DTWD2: variants seen among roughly 807,000 people sequenced by gnomAD.
The protein encoded by DTWD2 is DTW motif tRNA-uridine aminocarboxypropyltransferase 2.
Under a neutral mutation model 31.8 loss-of-function variants are expected in DTWD2, and 39 were observed. The observed-to-expected ratio is 1.22, with a 90% CI of 0.95 to 1.60. The LOEUF (loss-of-function observed/expected upper bound fraction) is 1.60, where lower values mean the gene tolerates loss of function less well. Among genes scored for constraint, DTWD2 ranks in the 40% most tolerant of loss-of-function variants. DTWD2 has a pLI of 0.00. For synonymous variants in DTWD2, 180 were observed against 142.8 expected (o/e 1.26, Z -1.86); for missense variants, 515 against 381.5 (o/e 1.35, Z -2.92).
At chr5:118,897,191 T>A (rs7734815) in intron 4 of DTWD2, among the ~76,000 whole-genome samples, 38,742 of 152,034 alleles carry the variant, frequency 0.25, 8,838 homozygotes, top group African/African-American at 0.62. Flanking sequence ...AGGAGAAAAC[T>A]CACATGGGAC....
intron 2 of DTWD2, among the ~76,000 whole-genome samples, chr5:118,941,203 T>C (rs1383808039): frequency 6.6e-6 from 1 of 152,098 alleles, no homozygotes; most frequent in East Asian, 1.9e-4. Context: ...ATACTGTAAG[T>C]TCTAGGGTAC....
chr5:118,840,505 G>A lies in DTWD2; in HGVS notation c.*412C>T, dbSNP rs1340792867. 5 of 152,272 alleles carry A rather than the reference G, an allele frequency of 3.3e-5. No individual in the cohort carries two copies. Among genetic ancestry groups the A allele is most frequent in the Non-Finnish European group, 7.3e-5 (5 of 68,172 alleles). The allele number at this position is 152,272 out of a possible 1,614,324, so 9.4% of individuals were successfully genotyped here. ...TACTTATTTCAAACTGTAAAGTCAGGACTGCAAACTGATGTAGGAATCTTA... is the reference window on the plus strand; with the variant it reads ...TACTTATTTCAAACTGTAAAGTCAGAACTGCAAACTGATGTAGGAATCTTA... On this transcript the variant is annotated 3_prime_UTR_variant, in exon 6 of 6. Transcript: ENST00000510708.
intron 4 of DTWD2, among the ~76,000 whole-genome samples, chr5:118,882,885 T>G (rs926907018): frequency 3.3e-5 from 5 of 152,260 alleles, no homozygotes; most frequent in African/African-American, 9.6e-5. Flanking sequence ...CCCATTGTCT[T>G]GCCTACTAAC....
chr5:118,960,999 A>G (rs1373090534), intron 1 of DTWD2, among the ~76,000 whole-genome samples: 2 of 152,146 alleles, frequency 1.3e-5, no homozygotes, highest in African/African-American at 4.8e-5. Flanking sequence ...GGGTGACAAA[A>G]TAATATGTAC....
intron 4 of DTWD2, among the ~76,000 whole-genome samples, chr5:118,883,943 T>C (rs1432608426): frequency 6.6e-6 from 1 of 152,190 alleles, no homozygotes. Context: ...TATAGTTCTG[T>C]AAGTAATGAG....
chr5:118,874,196 C>T (rs1752570873), intron 4 of DTWD2, among the ~76,000 whole-genome samples: 2 of 152,086 alleles, frequency 1.3e-5, no homozygotes, highest in South Asian at 4.1e-4. Context: ...AAAAGAAAAC[C>T]CATCCAAGGG....
At chr5:118,968,644 C>A (rs1754909651) in intron 1 of DTWD2, among the ~76,000 whole-genome samples, 1 of 152,180 alleles carries the variant, frequency 6.6e-6, no homozygotes, top group Non-Finnish European at 1.5e-5. Flanking sequence ...CCCCCCTGAG[C>A]CCACACCACC....
intron 2 of DTWD2, among the ~76,000 whole-genome samples, chr5:118,943,857 T>TC (rs1277473477): frequency 6.6e-6 from 1 of 152,206 alleles, no homozygotes; most frequent in Non-Finnish European, 1.5e-5. Context: ...AATTATTCCT[T>TC]CTTAGAAAGC....
chr5:118,836,669 G>A lies in DTWD2; in HGVS notation c.*4248C>T, dbSNP rs190722767. Among the ~76,000 whole-genome samples the A allele has an allele frequency of 1.2e-4, 18 of 152,252 alleles. No homozygotes were observed. The highest frequency in any genetic ancestry group is 3.9e-4 in the African/African-American group (16 of 41,536). On this transcript the variant is annotated 3_prime_UTR_variant, in exon 6 of 6. Transcript: ENST00000510708. ...CTCACAGGTTGAAACCTTAATTCCC[G>A]AGGTATAGTATTAGGAAGTGGAACC...
At chr5:118,938,618 G>A (rs975636428) in intron 3 of DTWD2, among the ~76,000 whole-genome samples, 1 of 152,046 alleles carries the variant, frequency 6.6e-6, no homozygotes, top group Non-Finnish European at 1.5e-5. Context: ...GGAAGCTGAG[G>A]TGGGAGAATC....
intron 4 of DTWD2, among the ~76,000 whole-genome samples, chr5:118,881,360 A>G (rs1199832802): frequency 6.6e-6 from 1 of 152,192 alleles, no homozygotes; most frequent in Non-Finnish European, 1.5e-5. Flanking sequence ...AAAAAAATAT[A>G]ATTTGAGTAT....
chr5:118,926,091 AT>A (rs1753802431), intron 4 of DTWD2, among the ~76,000 whole-genome samples: 1 of 152,120 alleles, frequency 6.6e-6, no homozygotes, highest in Non-Finnish European at 1.5e-5. Flanking sequence ...AAAAAGACAC[AT>A]GCGCAGGCAT....
intron 4 of DTWD2, among the ~76,000 whole-genome samples, chr5:118,894,469 T>A (rs1753039453): frequency 6.6e-6 from 1 of 152,146 alleles, no homozygotes. Flanking sequence ...GCTACAATAA[T>A]CATAGCAGTG....
intron 1 of DTWD2, among the ~76,000 whole-genome samples, chr5:118,949,814 T>C (rs1297358214): frequency 6.6e-6 from 1 of 152,166 alleles, no homozygotes; most frequent in Admixed American, 6.5e-5. Flanking sequence ...GTTGTGGCTG[T>C]AGCCTAGGAA....
At chr5:118,874,785 T>C (rs1438891196) in intron 4 of DTWD2, among the ~76,000 whole-genome samples, 1 of 152,086 alleles carries the variant, frequency 6.6e-6, no homozygotes, top group African/African-American at 2.4e-5. Context: ...TTGGAAAACA[T>C]ATTTCAGGAT....
At chr5:118,947,182 GC>G (rs1401880641) in intron 1 of DTWD2, among the ~76,000 whole-genome samples, 1 of 152,098 alleles carries the variant, frequency 6.6e-6, no homozygotes, top group African/African-American at 2.4e-5. Flanking sequence ...ACTCCATGGG[GC>G]CCCCCGGCAG....
chr5:118,974,151 A>T, intron 1 of DTWD2: 1 of 1,417,882 alleles, frequency 7.1e-7, no homozygotes, highest in Non-Finnish European at 9.6e-7. Context: ...AAGTTAAACT[A>T]AAAAAAAAGG....
At chr5:118,935,800 T>C (rs1043380313) in intron 3 of DTWD2, among the ~76,000 whole-genome samples, 1 of 152,134 alleles carries the variant, frequency 6.6e-6, no homozygotes, top group African/African-American at 2.4e-5. Flanking sequence ...TAGCTGGAGA[T>C]TTTAACACAA....
At chr5:118,890,826 C>A (rs922862686) in intron 4 of DTWD2, among the ~76,000 whole-genome samples, 2 of 152,158 alleles carry the variant, frequency 1.3e-5, no homozygotes, top group African/African-American at 4.8e-5. Context: ...ACCTCGACCT[C>A]CCAAAGTGCT....
Sources: gnomAD v4.1 joint callset for allele counts (sites outside exome capture counted in the v4.1 genomes callset) on GRCh38, gnomAD v4.1.1 for gene constraint, MANE v1.5 for transcripts, NCBI Gene and HGNC (gene_info 2026-07-23, HGNC 2026-07-21) for gene names.